PTPRD: variants seen among roughly 807,000 people sequenced by gnomAD.
PTPRD encodes receptor-type tyrosine-protein phosphatase delta.
A neutral mutation model predicts 214.5 loss-of-function variants in PTPRD; 34 were observed. That is an observed-to-expected ratio of 0.16 (90% CI 0.12 to 0.21). The LOEUF is 0.21. Ranked by LOEUF, PTPRD falls within the 10% of genes least tolerant of loss-of-function variation. PTPRD has a pLI of 1.00. For synonymous variants in PTPRD, 1,128 were observed against 845.7 expected, an observed-to-expected ratio of 1.33 and a Z score of -5.79; for missense variants, 2,545 against 2,398.7, an observed-to-expected ratio of 1.06 and a Z score of -1.27.
At chr9:9,438,374 C>A (rs146901982) in intron 8 of PTPRD, among the ~76,000 whole-genome samples, 1 of 152,062 alleles carries the variant, frequency 6.6e-6, no homozygotes, top group African/African-American at 2.4e-5. Flanking sequence ...TTCTGTGGAA[C>A]TGAGAAATAA....
chr9:8,401,342 A>G (rs1589535141), intron 36 of PTPRD, among the ~76,000 whole-genome samples: 1 of 151,904 alleles, frequency 6.6e-6, no homozygotes, highest in Non-Finnish European at 1.5e-5. Flanking sequence ...TTTTTGTAGA[A>G]AATATTTATC....
chr9:10,337,281 TA>T (rs1173216753), intron 3 of PTPRD, among the ~76,000 whole-genome samples: 1 of 151,670 alleles, frequency 6.6e-6, no homozygotes. Flanking sequence ...AAATTCCAAA[TA>T]AAATGTTAAA....
At chr9:10,194,585 T>C (rs1430855417) in intron 3 of PTPRD, among the ~76,000 whole-genome samples, 1 of 152,074 alleles carries the variant, frequency 6.6e-6, no homozygotes, top group Admixed American at 6.6e-5. Flanking sequence ...TGAACCTACC[T>C]CATACCCACT....
At chr9:9,969,177 G>C (rs1383977692) in intron 4 of PTPRD, among the ~76,000 whole-genome samples, 2 of 152,164 alleles carry the variant, frequency 1.3e-5, no homozygotes, top group African/African-American at 2.4e-5. Flanking sequence ...GAAAGGATGA[G>C]AGCTGAGGAT....
chr9:9,992,283 T>C (rs989784740), intron 4 of PTPRD, among the ~76,000 whole-genome samples: 6 of 152,124 alleles, frequency 3.9e-5, no homozygotes, highest in Non-Finnish European at 7.3e-5. Flanking sequence ...TTAGATGGAA[T>C]GAAAATAAAA....
intron 7 of PTPRD, among the ~76,000 whole-genome samples, chr9:9,624,975 G>A (rs1045218454): frequency 3.9e-5 from 6 of 152,124 alleles, no homozygotes; most frequent in African/African-American, 1.4e-4. Flanking sequence ...TTGCAAGGAA[G>A]AAAAATAAAT....
intron 9 of PTPRD, among the ~76,000 whole-genome samples, chr9:9,188,916 C>T (rs2099933376): frequency 6.6e-6 from 1 of 151,782 alleles, no homozygotes; most frequent in Non-Finnish European, 1.5e-5. Context: ...GAAAGAGTCT[C>T]TTTACACAGG....
intron 7 of PTPRD, among the ~76,000 whole-genome samples, chr9:9,634,202 A>G (rs777269646): frequency 2.2e-4 from 33 of 152,284 alleles, no homozygotes; most frequent in South Asian, 4.1e-4. Context: ...CTGTTCAAAT[A>G]TGGGTGTATC....
At chr9:8,461,746 T>C (rs1335080211) in intron 32 of PTPRD, among the ~76,000 whole-genome samples, 1 of 152,046 alleles carries the variant, frequency 6.6e-6, no homozygotes, top group African/African-American at 2.4e-5. Context: ...CATCCTCATC[T>C]TTCCAACTGC....
At chr9:9,334,891 T>C (rs2043824209) in intron 9 of PTPRD, among the ~76,000 whole-genome samples, 1 of 151,968 alleles carries the variant, frequency 6.6e-6, no homozygotes, top group African/African-American at 2.4e-5. Context: ...TGCTTACCAA[T>C]ATGAGCATAT....
intron 8 of PTPRD, among the ~76,000 whole-genome samples, chr9:9,411,957 G>A (rs940673023): frequency 6.6e-6 from 1 of 152,184 alleles, no homozygotes; most frequent in Non-Finnish European, 1.5e-5. Context: ...TGAAGAAACT[G>A]AGGCCAGGAA....
chr9:8,536,101 T>C (rs2076868935), intron 14 of PTPRD, among the ~76,000 whole-genome samples: 1 of 151,978 alleles, frequency 6.6e-6, no homozygotes, highest in Admixed American at 6.6e-5. Flanking sequence ...GTAATATTGT[T>C]ATTTGTTTCA....
chr9:8,579,052 A>C (rs143762168), intron 14 of PTPRD, among the ~76,000 whole-genome samples: 18 of 152,310 alleles, frequency 1.2e-4, no homozygotes, highest in African/African-American at 4.1e-4. Context: ...TACAAGTCCA[A>C]ATCTGTAGTC....
chr9:9,673,181 T>C (rs1337476327), intron 7 of PTPRD, among the ~76,000 whole-genome samples: 1 of 151,944 alleles, frequency 6.6e-6, no homozygotes, highest in African/African-American at 2.4e-5. Flanking sequence ...TTAATAATCT[T>C]TAAGAATTTT....
At chr9:10,163,438 A>G (rs75535808) in intron 3 of PTPRD, among the ~76,000 whole-genome samples, 2 of 151,488 alleles carry the variant, frequency 1.3e-5, no homozygotes, top group African/African-American at 4.8e-5. Flanking sequence ...TTATGTGACT[A>G]TACTCACTTT....
At chr9:9,913,714 C>A (rs1212683581) in intron 5 of PTPRD, among the ~76,000 whole-genome samples, 1 of 152,180 alleles carries the variant, frequency 6.6e-6, no homozygotes, top group African/African-American at 2.4e-5. Context: ...CATCTACAGT[C>A]TCATACAACA....
chr9:8,653,334 T>C (rs1331284853), intron 12 of PTPRD, among the ~76,000 whole-genome samples: 1 of 152,136 alleles, frequency 6.6e-6, no homozygotes, highest in Admixed American at 6.5e-5. Context: ...TGTTTAGAAA[T>C]TGCAAAACAA....
chr9:9,518,326 T>C (rs1393476405), intron 8 of PTPRD, among the ~76,000 whole-genome samples: 1 of 152,098 alleles, frequency 6.6e-6, no homozygotes, highest in Non-Finnish European at 1.5e-5. Flanking sequence ...TAGAAAATTC[T>C]TTTTTAGGCT....
At chr9:10,248,525 A>AT (rs1267463043) in intron 3 of PTPRD, among the ~76,000 whole-genome samples, 1 of 31,492 alleles carries the variant, frequency 3.2e-5, no homozygotes, top group African/African-American at 5.7e-5. Context: ...AAAAAAAAAA[A>AT]ATAAAAAAAA....
Sources: gnomAD v4.1 joint callset for allele counts (sites outside exome capture counted in the v4.1 genomes callset) on GRCh38, gnomAD v4.1.1 for gene constraint, MANE v1.5 for transcripts, NCBI Gene and HGNC (gene_info 2026-07-23, HGNC 2026-07-21) for gene names.